Variants in SORCS2 observed in about 807,000 individuals in gnomAD.
SORCS2 encodes the protein sortilin related VPS10 domain containing receptor 2.
Under a neutral mutation model 141.6 loss-of-function variants are expected in SORCS2, and 100 were observed. That is an observed-to-expected ratio of 0.71 (90% CI 0.60 to 0.83). The LOEUF (loss-of-function observed/expected upper bound fraction) is 0.83, where lower values mean the gene tolerates loss of function less well. SORCS2 is among the 40% of genes least tolerant of loss of function. SORCS2 has a pLI of 0.00. For synonymous variants in SORCS2, 789 were observed against 676.9 expected, an observed-to-expected ratio of 1.17 and a Z score of -2.57; for missense variants, 1,646 against 1,560.2, an observed-to-expected ratio of 1.05 and a Z score of -0.93.
intron 12 of SORCS2, among the ~76,000 whole-genome samples, chr4:7,698,405 A>C (rs981040147): frequency 6.6e-6 from 1 of 152,210 alleles, no homozygotes; most frequent in Non-Finnish European, 1.5e-5. Context: ...ACGTTTTTTA[A>C]AAATATGCAA....
chr4:7,582,426 C>A lies in SORCS2; in HGVS notation c.648+50797C>A, dbSNP rs142455098. 2.9e-3 allele frequency among the ~76,000 whole-genome samples: 437 copies of A among 152,296 alleles called. 1 individual carries two copies. Among genetic ancestry groups the A allele is most frequent in the African/African-American group, 9.9e-3 (412 of 41,560 alleles). ...GTTGAACATCTGGATGATTTTACAT[C>A]GTCAAATACAAGGTTGTTAACAATT... On this transcript the variant is annotated intron_variant, in intron 3 of 26. Coordinates refer to ENST00000507866, the MANE Select transcript of SORCS2 (RefSeq NM_020777.3).
At chr4:7,320,006 T>C (rs973554956) in intron 1 of SORCS2, among the ~76,000 whole-genome samples, 3 of 152,000 alleles carry the variant, frequency 2.0e-5, no homozygotes, top group Non-Finnish European at 4.4e-5. Context: ...TACTCTTTTT[T>C]AAAAAGACAG....
chr4:7,704,098 C>A, intron 13 of SORCS2, 79 bp from the exon 14 acceptor site: 2 of 1,359,276 alleles, frequency 1.5e-6, no homozygotes, highest in Non-Finnish European at 2.1e-6. Context: ...GCCCCTCCAG[C>A]TGGACCCGCC....
At position 7,663,737 on chromosome 4, in the gene SORCS2, A is replaced by G. The variant is rs1722327679; in HGVS notation, c.953-616A>G. 6.6e-6 allele frequency among the ~76,000 whole-genome samples: 1 copy of G among 152,074 alleles called. No homozygotes were observed. The highest frequency in any genetic ancestry group is 1.5e-5 in the Non-Finnish European group (1 of 67,990). On this transcript the variant is annotated intron_variant, in intron 6 of 26. Coordinates refer to ENST00000507866, the MANE Select transcript of SORCS2 (RefSeq NM_020777.3). The surrounding 1 kb of genome is among the most constrained non-coding windows in gnomAD (Gnocchi z 4.8). ...AGGAGGAGGAAAAGGAAGAGGAGGA[A>G]GAGGAGGAGGAGGAGGCACCCTTCC...
chr4:7,257,748 C>T (rs2108816063), intron 1 of SORCS2, among the ~76,000 whole-genome samples: 1 of 152,354 alleles, frequency 6.6e-6, no homozygotes, highest in East Asian at 1.9e-4. Flanking sequence ...CCTCTGGCCT[C>T]CCCCAGCCCC....
intron 10 of SORCS2, among the ~76,000 whole-genome samples, chr4:7,687,321 C>T (rs1319999008): frequency 2.6e-5 from 4 of 152,162 alleles, no homozygotes; most frequent in African/African-American, 4.8e-5. Flanking sequence ...CTCAGCAAGT[C>T]GCCTCTGTCT....
At chr4:7,372,653 T>C (rs1722332927) in intron 1 of SORCS2, among the ~76,000 whole-genome samples, 1 of 152,150 alleles carries the variant, frequency 6.6e-6, no homozygotes, top group Non-Finnish European at 1.5e-5. Flanking sequence ...TTTCGATAAA[T>C]GCATACACTC....
At chr4:7,608,663 T>A (rs1192338832) in intron 3 of SORCS2, among the ~76,000 whole-genome samples, 1 of 152,212 alleles carries the variant, frequency 6.6e-6, no homozygotes, top group Non-Finnish European at 1.5e-5. Flanking sequence ...AGGTGCCCAC[T>A]GGCAGCCCCA....
rs554941280 is a variant in SORCS2 at position 7,359,733 on chromosome 4, A to G, written c.481-36555A>G. On this transcript the variant is annotated intron_variant, in intron 1 of 26. Transcript: ENST00000507866. Reference sequence around the variant, plus strand: ...TGTATTCCATTCCGTGGCTGTAGGCATTAATGTAGCTGGGATTAAAATCAG... The same window carrying G: ...TGTATTCCATTCCGTGGCTGTAGGCGTTAATGTAGCTGGGATTAAAATCAG... Among the ~76,000 whole-genome samples, 4 of 152,338 alleles carry G rather than the reference A, an allele frequency of 2.6e-5. No homozygotes were observed. In the South Asian group the frequency reaches 8.3e-4, roughly 32 times the overall value.
chr4:7,239,157 C>T (rs547118979), intron 1 of SORCS2, among the ~76,000 whole-genome samples: 4 of 152,264 alleles, frequency 2.6e-5, no homozygotes, highest in Non-Finnish European at 2.9e-5. Flanking sequence ...GCCCTCTGCT[C>T]CTGCCACTCT....
chr4:7,371,277 C>A (rs1465448216), intron 1 of SORCS2, among the ~76,000 whole-genome samples: 3 of 152,188 alleles, frequency 2.0e-5, no homozygotes, highest in Non-Finnish European at 4.4e-5. Flanking sequence ...GCTGCCTGCG[C>A]CCTGTGTGGT....
intron 2 of SORCS2, 119 bp from the exon 3 acceptor site, chr4:7,531,411 T>C (rs1711629432): frequency 1.2e-6 from 1 of 855,732 alleles, no homozygotes. Context: ...AGGACTGTAC[T>C]CAGGGTGTCT....
chr4:7,550,273 G>A (rs1331501943), intron 3 of SORCS2, among the ~76,000 whole-genome samples: 3 of 151,826 alleles, frequency 2.0e-5, no homozygotes, highest in African/African-American at 7.2e-5. Context: ...GGGCAAAGAT[G>A]GGGGTGCCCA....
chr4:7,234,266 A>G (rs1172190626), intron 1 of SORCS2, among the ~76,000 whole-genome samples: 1 of 152,154 alleles, frequency 6.6e-6, no homozygotes, highest in Non-Finnish European at 1.5e-5. Flanking sequence ...TGGGCTTTGC[A>G]GTTGTGGGGA....
At chr4:7,358,521 C>G (rs151146072) in intron 1 of SORCS2, among the ~76,000 whole-genome samples, 1 of 152,222 alleles carries the variant, frequency 6.6e-6, no homozygotes, top group Non-Finnish European at 1.5e-5. Context: ...GCTCCTGTAG[C>G]TGGATGCATT....
In SORCS2 at chr4:7,543,784, TCATCCATCCATC is replaced by T. The variant is rs771822077; in HGVS notation, c.648+12180_648+12191del. Reference sequence around the variant, plus strand: ...CCCACCCATCCGTCCATCCATCCACTCATCCATCCATCCATCCATCCATCCATCCATCCATCT... The same window carrying T: ...CCCACCCATCCGTCCATCCATCCACTCATCCATCCATCCATCCATCCATCT... On this transcript the variant is annotated intron_variant, in intron 3 of 26. Transcript: ENST00000507866. Among the ~76,000 whole-genome samples, 11 of 13,622 alleles carry T rather than the reference TCATCCATCCATC, an allele frequency of 8.1e-4. 1 individual carries two copies. The highest frequency in any genetic ancestry group is 2.1e-3 in the African/African-American group (11 of 5,336). The allele number at this position is 13,622 out of a possible 152,430, so 8.9% of individuals were successfully genotyped here.
At chr4:7,293,415 C>G (rs1318113617) in intron 1 of SORCS2, among the ~76,000 whole-genome samples, 7 of 152,258 alleles carry the variant, frequency 4.6e-5, no homozygotes. Flanking sequence ...TCCTGCGGTC[C>G]TTGTAGACAT....
At chr4:7,575,520 AT>A (rs1203852767) in intron 3 of SORCS2, among the ~76,000 whole-genome samples, 2 of 152,264 alleles carry the variant, frequency 1.3e-5, no homozygotes. Context: ...ATTTCATAAC[AT>A]TGACAGTTGT....
At chr4:7,468,651 A>G (rs1210769453) in intron 2 of SORCS2, among the ~76,000 whole-genome samples, 1 of 152,240 alleles carries the variant, frequency 6.6e-6, no homozygotes, top group Admixed American at 6.5e-5. Flanking sequence ...ATGGCGCTTC[A>G]CCCAGCTTCA....
Sources: allele counts gnomAD v4.1 joint callset (sites outside exome capture counted in the v4.1 genomes callset), GRCh38; gene constraint gnomAD v4.1.1; non-coding constraint Gnocchi (gnomAD v3.1); transcripts MANE v1.5; gene names NCBI Gene and HGNC (gene_info 2026-07-23, HGNC 2026-07-21).